Variants in SORCS2 observed in about 807,000 individuals in gnomAD.
The protein encoded by SORCS2 is sortilin related VPS10 domain containing receptor 2.
In SORCS2, 100 loss-of-function variants were observed where a neutral mutation model predicts 141.6. The ratio of observed to expected loss-of-function variants is 0.71; its 90% CI spans 0.60 to 0.83. The LOEUF (loss-of-function observed/expected upper bound fraction) is 0.83. Among genes scored for constraint, SORCS2 ranks in the 40% least tolerant of loss-of-function variants. The pLI, the probability that SORCS2 is intolerant of heterozygous loss-of-function variation, is 0.00. For missense variants in SORCS2, 1,646 were observed against 1,560.2 expected (o/e 1.05, Z -0.93); for synonymous variants, 789 against 676.9 (o/e 1.17, Z -2.57).
At chr4:7,735,356 C>G (rs1712083753) in intron 25 of SORCS2, 1 of 154,572 alleles carries the variant, frequency 6.5e-6, no homozygotes, top group Non-Finnish European at 1.5e-5. Flanking sequence ...TCCTCCTGCT[C>G]CCGGTCCCAC....
chr4:7,566,258 A>G (rs527382010), intron 3 of SORCS2, among the ~76,000 whole-genome samples: 1 of 146,764 alleles, frequency 6.8e-6, no homozygotes, highest in Non-Finnish European at 1.5e-5. Flanking sequence ...TGGTGATGAT[A>G]GTGATAATGG....
chr4:7,326,097 C>A (rs1719240467), intron 1 of SORCS2, among the ~76,000 whole-genome samples: 1 of 152,088 alleles, frequency 6.6e-6, no homozygotes, highest in Non-Finnish European at 1.5e-5. Context: ...TTTACAGAGG[C>A]TCAGAGGCAG....
intron 6 of SORCS2, among the ~76,000 whole-genome samples, chr4:7,661,874 G>A (rs1015612068): frequency 6.6e-6 from 1 of 152,070 alleles, no homozygotes; most frequent in African/African-American, 2.4e-5. Flanking sequence ...TGGGGGGCGG[G>A]GGTGGGGGCA....
chr4:7,689,667 A>G, intron 11 of SORCS2, 79 bp downstream of exon 11: 1 of 1,357,586 alleles, frequency 7.4e-7, no homozygotes, highest in Non-Finnish European at 1.0e-6. Flanking sequence ...GTAAAAAGGG[A>G]TGGTCATGAG....
chr4:7,543,784 T>TCGTC (rs1553881832), intron 3 of SORCS2, among the ~76,000 whole-genome samples: 1 of 13,600 alleles, frequency 7.4e-5, no homozygotes, highest in African/African-American at 1.9e-4. Context: ...ATCCATCCAC[T>TCGTC]CATCCATCCA....
At chr4:7,540,615 G>A (rs1404160893) in intron 3 of SORCS2, among the ~76,000 whole-genome samples, 1 of 152,240 alleles carries the variant, frequency 6.6e-6, no homozygotes. Context: ...GCTGCATCCT[G>A]CTGCGCAGTT....
intron 2 of SORCS2, chr4:7,433,106 A>G (rs889342285): frequency 1.4e-5 from 6 of 443,100 alleles, no homozygotes; most frequent in African/African-American, 2.0e-5. Flanking sequence ...GTTCCGGTCC[A>G]GTAGAGATGC....
chr4:7,640,721 G>A (rs1720678034), intron 4 of SORCS2, among the ~76,000 whole-genome samples: 1 of 151,994 alleles, frequency 6.6e-6, no homozygotes. Context: ...TACATTTTGG[G>A]GGCCACTCTG....
intron 1 of SORCS2, among the ~76,000 whole-genome samples, chr4:7,373,479 T>TATATATATATATA (rs60434529): frequency 1.2e-3 from 19 of 15,454 alleles, no homozygotes; most frequent in East Asian, 4.8e-3. Context: ...TATATATATA[T>TATATATATATATA]TTTTTTTTTT....
chr4:7,288,557 C>CG (rs962902944), intron 1 of SORCS2, among the ~76,000 whole-genome samples: 1 of 12,524 alleles, frequency 8.0e-5, no homozygotes, highest in Non-Finnish European at 1.7e-4. Context: ...GGGCGGGGGG[C>CG]GGGGGGCGGG....
At position 7,286,556 on chromosome 4, in the gene SORCS2, A is replaced by G. The variant is rs2108869101; in HGVS notation, c.480+93430A>G. 6.6e-6 allele frequency among the ~76,000 whole-genome samples: 1 copy of G among 152,312 alleles called. No homozygotes were observed. Among genetic ancestry groups the G allele is most frequent in the Admixed American group, 6.5e-5 (1 of 15,306 alleles). On this transcript the variant is annotated intron_variant, in intron 1 of 26. Transcript: ENST00000507866. This position sits in a 1 kb window ranked among gnomAD's most constrained non-coding sequence, Gnocchi z 4.1. ...TGGCACTGGAGCTGGGGTCGGTCCCAGGACCAGAAGGGACATGGTCCCATT... is the reference window on the plus strand; with the variant it reads ...TGGCACTGGAGCTGGGGTCGGTCCCGGGACCAGAAGGGACATGGTCCCATT...
chr4:7,569,965 A>C (rs992102724), intron 3 of SORCS2, among the ~76,000 whole-genome samples: 1 of 152,030 alleles, frequency 6.6e-6, no homozygotes, highest in Non-Finnish European at 1.5e-5. Context: ...TAGCGGCTGG[A>C]TGAGGTGCTT....
At chr4:7,537,967 C>T (rs1403021652) in intron 3 of SORCS2, among the ~76,000 whole-genome samples, 1 of 152,122 alleles carries the variant, frequency 6.6e-6, no homozygotes, top group African/African-American at 2.4e-5. Context: ...GGTTGGGCGA[C>T]ACAGTGAGAC....
intron 2 of SORCS2, among the ~76,000 whole-genome samples, chr4:7,499,256 A>G (rs1209140107): frequency 1.3e-5 from 2 of 152,198 alleles, no homozygotes; most frequent in African/African-American, 4.8e-5. Context: ...TGTGCACCAC[A>G]TGGGGCAGGT....
chr4:7,297,346 C>A (rs1310812563), intron 1 of SORCS2, among the ~76,000 whole-genome samples: 1 of 152,184 alleles, frequency 6.6e-6, no homozygotes, highest in African/African-American at 2.4e-5. Context: ...CTCTGCCTGT[C>A]CTCAGTCTGC....
chr4:7,378,566 CA>C (rs1722797570), intron 1 of SORCS2, among the ~76,000 whole-genome samples: 1 of 152,192 alleles, frequency 6.6e-6, no homozygotes, highest in South Asian at 2.1e-4. Flanking sequence ...ACGAGAATGG[CA>C]TGGGGGAATC....
rs540252369 is a variant in SORCS2, at chr4:7,714,242, C to T, written c.1992C>T (p.Gly664=). 43 of 1,610,038 alleles carry T rather than the reference C, an allele frequency of 2.7e-5. No individual in the cohort carries two copies. The highest frequency in any genetic ancestry group is 1.3e-4 in the Admixed American group (8 of 59,702). The change falls in exon 16 of 27, where the codon GGC becomes GGT. Residue 664 remains glycine (G), a splice_region_variant and synonymous_variant. Coordinates refer to ENST00000507866, the MANE Select transcript of SORCS2 (RefSeq NM_020777.3). ...YSSWELSNLQ[G]DRCIMGQQRS... ...TTACCCTGATGTTCCTGCTGCAGGG[C>T]GACCGCTGTATCATGGGCCAGCAGA...
intron 1 of SORCS2, among the ~76,000 whole-genome samples, chr4:7,196,434 G>A (rs1315732210): frequency 2.0e-5 from 3 of 152,136 alleles, no homozygotes; most frequent in Admixed American, 1.3e-4. Flanking sequence ...CTGGGAAATC[G>A]TGGGCTTATT....
rs778458425 is a variant in SORCS2, at chr4:7,697,415, G to A, written c.1668+141G>A. On this transcript the variant is annotated intron_variant, in intron 12 of 26. Transcript: ENST00000507866. ...CCATGTCTCCCATCTTGCAGCCAAA[G>A]TGGCTGGAGCCAGGGCTCACTTTAG... The A allele has an allele frequency of 5.7e-5, 43 of 758,528 alleles. No individual in the cohort carries two copies. In the Middle Eastern group the frequency reaches 1.1e-3, roughly 20 times the overall value. 47.0% of individuals were successfully genotyped at this position (758,528 alleles called of 1,614,324 possible). A position where few individuals can be genotyped will look rare whatever the true frequency, so the allele number is the denominator to read the frequency against.
Sources: gnomAD v4.1 joint callset for allele counts (sites outside exome capture counted in the v4.1 genomes callset) on GRCh38, gnomAD v4.1.1 for gene constraint, Gnocchi (gnomAD v3.1) non-coding constraint, MANE v1.5 for transcripts, NCBI Gene and HGNC (gene_info 2026-07-23, HGNC 2026-07-21) for gene names.